Variants in ATF7IP2 observed in about 807,000 individuals in gnomAD.
The protein encoded by ATF7IP2 is activating transcription factor 7 interacting protein 2.
In ATF7IP2, 42 loss-of-function variants were observed where a neutral mutation model predicts 64.2. The observed-to-expected ratio is 0.65, with a 90% CI of 0.51 to 0.85. ATF7IP2 has a LOEUF of 0.85. Among genes scored for constraint, ATF7IP2 ranks in the 40% least tolerant of loss-of-function variants. ATF7IP2 has a pLI of 0.00. For missense variants in ATF7IP2, 933 were observed against 784.2 expected (o/e 1.19, Z -2.27); for synonymous variants, 308 against 272.8 (o/e 1.13, Z -1.27).
intron 12 of ATF7IP2, among the ~76,000 whole-genome samples, chr16:10,478,449 A>G (rs866508762): frequency 4.6e-5 from 7 of 152,340 alleles, no homozygotes; most frequent in Admixed American, 1.3e-4. Flanking sequence ...CTGGCTAGCC[A>G]TATGTGGAAA....
chr16:10,417,950 C>T (rs140667959), intron 2 of ATF7IP2, among the ~76,000 whole-genome samples: 40 of 152,264 alleles, frequency 2.6e-4, no homozygotes, highest in African/African-American at 7.5e-4. Context: ...TGGATGTCCA[C>T]GTCGGTCGTG....
intron 8 of ATF7IP2, among the ~76,000 whole-genome samples, chr16:10,453,798 G>A (rs769447167): frequency 6.6e-6 from 1 of 151,898 alleles, no homozygotes; most frequent in Admixed American, 6.6e-5. Context: ...TGTATTTTTA[G>A]TAGAGACAGG....
intron 10 of ATF7IP2, among the ~76,000 whole-genome samples, chr16:10,473,044 G>A (rs1295947258): frequency 6.6e-6 from 1 of 151,918 alleles, no homozygotes; most frequent in Non-Finnish European, 1.5e-5. Context: ...CTACTTAATT[G>A]TCCCCACAAT....
intron 9 of ATF7IP2, among the ~76,000 whole-genome samples, chr16:10,470,687 G>A (rs1056717847): frequency 3.3e-5 from 5 of 151,934 alleles, no homozygotes; most frequent in African/African-American, 1.2e-4. Context: ...AGGAGGCCGA[G>A]ATGAGAGGAT....
intron 1 of ATF7IP2, among the ~76,000 whole-genome samples, chr16:10,412,617 G>C (rs993155941): frequency 5.3e-5 from 8 of 152,146 alleles, no homozygotes; most frequent in African/African-American, 1.9e-4. Flanking sequence ...CTTGGAGAAA[G>C]TTCCATGTGT....
rs577525765 is a variant in ATF7IP2, at chr16:10,438,070, G to C, written c.961-31G>C. On this transcript the variant is annotated intron_variant, in intron 6 of 13. Coordinates refer to ENST00000562102, the MANE Select transcript of ATF7IP2 (RefSeq NM_001393719.1). Reference sequence around the variant, plus strand: ...AAATTGCTTTTAAATTTGAAACGTAGGGTGTTTTGGTTTTTATTTTAAAAT... The same window carrying C: ...AAATTGCTTTTAAATTTGAAACGTACGGTGTTTTGGTTTTTATTTTAAAAT... 6 of 1,487,752 alleles carry C rather than the reference G, an allele frequency of 4.0e-6. No individual in the cohort carries two copies. The African/African-American group carries it at 4.3e-5, about 11-fold the overall frequency. 92.2% of individuals were successfully genotyped at this position (1,487,752 alleles called of 1,614,324 possible).
At chr16:10,461,483 T>C (rs2049373620) in intron 9 of ATF7IP2, among the ~76,000 whole-genome samples, 1 of 152,104 alleles carries the variant, frequency 6.6e-6, no homozygotes, top group Admixed American at 6.6e-5. Context: ...GAAATTACCC[T>C]AAATCTATAC....
chr16:10,416,897 ATAAC>A (rs1202307778), intron 2 of ATF7IP2, among the ~76,000 whole-genome samples: 1 of 152,252 alleles, frequency 6.6e-6, no homozygotes, highest in Non-Finnish European at 1.5e-5. Context: ...ACATTTAAAA[ATAAC>A]TAAGACTATA....
intron 5 of ATF7IP2, 49 bp from the exon 6 acceptor site, chr16:10,433,476 G>T: frequency 6.4e-7 from 1 of 1,566,912 alleles, no homozygotes. Context: ...CACTGAACCT[G>T]TTTTTTTCTT....
Position 10,427,625 on chromosome 16 carries a change from G to C in ATF7IP2, c.-159-1243G>C, listed in dbSNP as rs186900577. Among the ~76,000 whole-genome samples the C allele has an allele frequency of 1.6e-4, 24 of 152,244 alleles. No individual in the cohort carries two copies. The East Asian group carries it at 4.1e-3, about 26-fold the overall frequency. ...AATCCCAGCACTTTGGGAGGCTAAG[G>C]CATGAGGATCACTTCAGCCCAGGAG... On this transcript the variant is annotated intron_variant, in intron 3 of 13. Transcript: ENST00000562102.
chr16:10,479,661 A>C (rs9674198), intron 12 of ATF7IP2, among the ~76,000 whole-genome samples: 4,918 of 151,610 alleles, frequency 0.032, 256 homozygotes, highest in African/African-American at 0.11. Flanking sequence ...TAATAATTAA[A>C]AAAAAAAAGT....
chr16:10,404,864 AATGGGATGGAATGGG>A (rs1209646863), intron 1 of ATF7IP2, among the ~76,000 whole-genome samples: 5 of 152,268 alleles, frequency 3.3e-5, no homozygotes, highest in Admixed American at 3.3e-4. Flanking sequence ...TACAAGTCAG[AATGGGATGGAATGGG>A]ATGGGATGGG....
At chr16:10,393,094 G>A (rs1421001551) in intron 1 of ATF7IP2, among the ~76,000 whole-genome samples, 2 of 152,054 alleles carry the variant, frequency 1.3e-5, no homozygotes, top group Non-Finnish European at 2.9e-5. Context: ...CGGATCACTT[G>A]AGGTCAGAAG....
At chr16:10,422,087 C>G (rs193072576) in intron 3 of ATF7IP2, among the ~76,000 whole-genome samples, 3 of 152,160 alleles carry the variant, frequency 2.0e-5, no homozygotes, top group Non-Finnish European at 4.4e-5. Flanking sequence ...GTCTTAATTA[C>G]GAAAACTGGA....
At chr16:10,434,343 A>G (rs2048349676) in intron 6 of ATF7IP2, among the ~76,000 whole-genome samples, 1 of 152,240 alleles carries the variant, frequency 6.6e-6, no homozygotes, top group African/African-American at 2.4e-5. Context: ...CTATTTCACT[A>G]CCACTAGAAT....
chr16:10,474,776 A>C (rs900564504), intron 12 of ATF7IP2, among the ~76,000 whole-genome samples: 1 of 152,250 alleles, frequency 6.6e-6, no homozygotes, highest in Non-Finnish European at 1.5e-5. Context: ...AGAAAAATGA[A>C]GATACAATGC....
intron 1 of ATF7IP2, among the ~76,000 whole-genome samples, chr16:10,390,783 AAAAAT>A (rs1408340656): frequency 6.6e-6 from 1 of 152,132 alleles, no homozygotes; most frequent in Non-Finnish European, 1.5e-5. Context: ...GTGTGACTCT[AAAAAT>A]GAAAAGGAAA....
chr16:10,474,036 T>A (rs2049911052), intron 12 of ATF7IP2, 47 bp downstream of exon 12: 4 of 1,186,136 alleles, frequency 3.4e-6, no homozygotes, highest in South Asian at 1.3e-5. Flanking sequence ...GAGGGAAGGG[T>A]AACAACTCAT....
At chr16:10,407,990 C>T (rs1338539750) in intron 1 of ATF7IP2, among the ~76,000 whole-genome samples, 3 of 151,942 alleles carry the variant, frequency 2.0e-5, no homozygotes, top group East Asian at 1.9e-4. Flanking sequence ...TGGTTCACTG[C>T]AACCTCTGCC....
Sources: allele counts gnomAD v4.1 joint callset (sites outside exome capture counted in the v4.1 genomes callset), GRCh38; gene constraint gnomAD v4.1.1; transcripts MANE v1.5; gene names NCBI Gene and HGNC (gene_info 2026-07-23, HGNC 2026-07-21).